The following NUP188 variants were observed in gnomAD, a reference collection of about 807,000 sequenced individuals.
The protein encoded by NUP188 is nucleoporin NUP188.
NUP188 carries 97 observed loss-of-function variants against 223.0 expected under a neutral mutation model. The observed-to-expected ratio is 0.43, with a 90% CI of 0.37 to 0.51. The LOEUF is 0.51. Among genes scored for constraint, NUP188 ranks in the 20% least tolerant of loss-of-function variants. The pLI is 0.00. For synonymous variants in NUP188, 869 were observed against 828.0 expected, an observed-to-expected ratio of 1.05 and a Z score of -0.85; for missense variants, 1,947 against 2,175.6, an observed-to-expected ratio of 0.89 and a Z score of 2.09.
At chr9:128,956,560 A>G (rs1204824626) in intron 4 of NUP188, 126 bp downstream of exon 4, 2 of 562,112 alleles carry the variant, frequency 3.6e-6, no homozygotes, top group Non-Finnish European at 6.2e-6. Context: ...ATAAATACCC[A>G]GGTTGCAACT....
rs769352902 is a variant in NUP188, at chr9:129,006,419, G to A, written c.5073+51G>A. 5.0e-6 allele frequency: 8 copies of A among 1,613,364 alleles called. No homozygotes were observed. In the Middle Eastern group the frequency reaches 9.9e-4, roughly 200 times the overall value. On this transcript the variant is annotated intron_variant, in intron 43 of 43. Coordinates refer to ENST00000372577, the MANE Select transcript of NUP188 (RefSeq NM_015354.3). ...GCTGGACCAATAGGGCCAGAGCCCT[G>A]TGGGGTCCTGCCTGGCAACCCCCAA...
chr9:128,970,447 A>T (rs987511183), intron 10 of NUP188, among the ~76,000 whole-genome samples: 1 of 152,256 alleles, frequency 6.6e-6, no homozygotes, highest in African/African-American at 2.4e-5. Context: ...TTAGGAAGAT[A>T]GAAAATGAAG....
In NUP188 at chr9:129,006,008, C is replaced by G. The variant is rs756977665; in HGVS notation, c.4870-42C>G. The G allele has an allele frequency of 3.1e-6, 5 of 1,603,744 alleles. No homozygotes were observed. The African/African-American group carries it at 6.7e-5, about 21-fold the overall frequency. On this transcript the variant is annotated intron_variant, in intron 41 of 43. Coordinates refer to ENST00000372577, the MANE Select transcript of NUP188 (RefSeq NM_015354.3). ...GTAGGAAGCTCTCAGTAAGTGGGAG[C>G]TGTTCCTGTTGTCTTAGTTTTTTAC...
At chr9:128,962,309 C>T (rs1042285535) in intron 8 of NUP188, among the ~76,000 whole-genome samples, 6 of 147,750 alleles carry the variant, frequency 4.1e-5, no homozygotes, top group Non-Finnish European at 3.0e-5. Flanking sequence ...AGTGCAGTGG[C>T]ACGATCTCGG....
At chr9:128,951,749 A>C (rs1588266801) in intron 2 of NUP188, among the ~76,000 whole-genome samples, 1 of 151,640 alleles carries the variant, frequency 6.6e-6, no homozygotes, top group African/African-American at 2.4e-5. Context: ...TATTAAAAAC[A>C]CTCAAAGGAA....
At position 129,006,374 on chromosome 9, in the gene NUP188, G is replaced by A. The variant is rs1213925568; in HGVS notation, c.5073+6G>A. On this transcript the variant is annotated splice_donor_region_variant and intron_variant, in intron 43 of 43. Coordinates refer to ENST00000372577, the MANE Select transcript of NUP188 (RefSeq NM_015354.3). ...AGGAGCTCAGCTCTGAGTTGGTACG[G>A]ATGGATAGGGATACGGAGGGCTGGA... 1 of 1,614,204 alleles carries A rather than the reference G, an allele frequency of 6.2e-7. No individual in the cohort carries two copies. The highest frequency in any genetic ancestry group is 1.1e-5 in the South Asian group (1 of 91,076).
chr9:128,967,488 C>T (rs1842046230), intron 8 of NUP188, among the ~76,000 whole-genome samples: 1 of 151,938 alleles, frequency 6.6e-6, no homozygotes, highest in African/African-American at 2.4e-5. Flanking sequence ...GACCTTGCTT[C>T]TACAAAAAAT....
At position 128,985,028 on chromosome 9, in the gene NUP188, T is replaced by C. The variant is rs1250947373; in HGVS notation, c.2076+14T>C. 1 of 1,587,064 alleles carries C rather than the reference T, an allele frequency of 6.3e-7. No homozygotes were observed. Among genetic ancestry groups the C allele is most frequent in the East Asian group, 2.2e-5 (1 of 44,702 alleles). ...ACCCTTGTCAAGGTACAGTCTGATT[T>C]TGTTCACAAAGGGCAGAAAAAGAAA... On this transcript the variant is annotated intron_variant, in intron 20 of 43. Coordinates refer to ENST00000372577, the MANE Select transcript of NUP188 (RefSeq NM_015354.3).
chr9:128,979,639 G>A (rs972509007), intron 13 of NUP188, among the ~76,000 whole-genome samples: 1 of 150,816 alleles, frequency 6.6e-6, no homozygotes, highest in Non-Finnish European at 1.5e-5. Context: ...TTTTGGTTTT[G>A]TCTTGTTTTT....
chr9:128,959,267 T>G, intron 8 of NUP188, 133 bp downstream of exon 8: 37 of 588,062 alleles, frequency 6.3e-5, no homozygotes, highest in Non-Finnish European at 8.1e-5. Flanking sequence ...GCAATTCTCC[T>G]ACCTCAGTGG....
chr9:128,957,421 T>G (rs1170942480), intron 5 of NUP188, among the ~76,000 whole-genome samples: 2 of 152,188 alleles, frequency 1.3e-5, no homozygotes, highest in Non-Finnish European at 2.9e-5. Flanking sequence ...GACTGACATG[T>G]TAATCATAGA....
At chr9:128,997,728 A>AT (rs1240645016) in intron 30 of NUP188, among the ~76,000 whole-genome samples, 3 of 150,390 alleles carry the variant, frequency 2.0e-5, no homozygotes, top group African/African-American at 7.4e-5. Flanking sequence ...ATTTTATTTT[A>AT]TTTATTTATT....
In NUP188 at chr9:128,986,697, G is replaced by A; in HGVS notation, c.2197+19G>A. 1 of 1,614,058 alleles carries A rather than the reference G, an allele frequency of 6.2e-7. No homozygotes were observed. Among genetic ancestry groups the A allele is most frequent in the Non-Finnish European group, 8.5e-7 (1 of 1,179,944 alleles). On this transcript the variant is annotated intron_variant, in intron 21 of 43. Coordinates refer to ENST00000372577, the MANE Select transcript of NUP188 (RefSeq NM_015354.3). ...CAGATTGGTAAGGACAGCATGGGCA[G>A]GGAAGACCTGGGGATTTCTGGCCCC...
At chr9:128,995,158 C>T (rs1036919793) in intron 29 of NUP188, 161 bp from the exon 30 acceptor site, 42 of 643,500 alleles carry the variant, frequency 6.5e-5, no homozygotes, top group African/African-American at 6.4e-4. Flanking sequence ...GAGGAGGAAT[C>T]CTGGAAAGGC....
At position 128,968,550 on chromosome 9, in the gene NUP188, ACAGTC is replaced by A; in HGVS notation, c.633_637del (p.Gln211HisfsTer14). 6.2e-7 allele frequency: 1 copy of A among 1,614,250 alleles called. No individual in the cohort carries two copies. Among genetic ancestry groups the A allele is most frequent in the Non-Finnish European group, 8.5e-7 (1 of 1,180,042 alleles). On this transcript the variant is annotated frameshift_variant, in exon 9 of 44. Coordinates refer to ENST00000372577, the MANE Select transcript of NUP188 (RefSeq NM_015354.3). LOFTEE classifies it high-confidence loss of function. ...GCTGGTTTGTTCAGTGCCTTCGGGA[ACAGTC>A]CATGCTGCTAGAAATTATTTTCCTT...
At chr9:128,986,351 C>G (rs1229260032) in intron 20 of NUP188, among the ~76,000 whole-genome samples, 4 of 152,174 alleles carry the variant, frequency 2.6e-5, no homozygotes, top group Non-Finnish European at 5.9e-5. Context: ...GTGACATTCT[C>G]TTTCATCACT....
At chr9:128,979,358 C>A in intron 13 of NUP188, 31 bp downstream of exon 13, 15 of 1,509,760 alleles carry the variant, frequency 9.9e-6, no homozygotes, top group African/African-American at 1.4e-5. Flanking sequence ...CACTGCATAG[C>A]AAAAGAATTG....
At chr9:128,988,268 T>C (rs1842366857) in intron 24 of NUP188, 82 bp downstream of exon 24, 2 of 1,451,036 alleles carry the variant, frequency 1.4e-6, no homozygotes, top group African/African-American at 1.4e-5. Flanking sequence ...TCTTAGGCAG[T>C]GTTTTTGGAT....
chr9:128,949,326 G>C, intron 2 of NUP188, 83 bp downstream of exon 2: 1 of 917,678 alleles, frequency 1.1e-6, no homozygotes, highest in Non-Finnish European at 1.8e-6. Flanking sequence ...TTAAATGTAG[G>C]AAGTAAACAC....
Sources: allele counts gnomAD v4.1 joint callset (sites outside exome capture counted in the v4.1 genomes callset), GRCh38; gene constraint gnomAD v4.1.1; transcripts MANE v1.5; gene names NCBI Gene and HGNC (gene_info 2026-07-23, HGNC 2026-07-21).